Variants in ASIC2 observed in about 807,000 individuals in gnomAD.
ASIC2 encodes the protein acid-sensing ion channel 2.
Under a neutral mutation model 57.3 loss-of-function variants are expected in ASIC2, and 25 were observed. That is an observed-to-expected ratio of 0.44 (90% CI 0.32 to 0.61). ASIC2 has a LOEUF of 0.61. ASIC2 is among the 20% of genes least tolerant of loss of function. The pLI is 0.06. For synonymous variants in ASIC2, 319 were observed against 307.5 expected, an observed-to-expected ratio of 1.04 and a Z score of -0.39; for missense variants, 641 against 738.1, an observed-to-expected ratio of 0.87 and a Z score of 1.52.
intron 1 of ASIC2, among the ~76,000 whole-genome samples, chr17:33,738,389 C>T (rs73986160): frequency 6.6e-5 from 10 of 152,324 alleles, no homozygotes; most frequent in African/African-American, 2.2e-4. Flanking sequence ...TTCCAAAAGT[C>T]AGCACCTGCA....
At chr17:34,096,596 T>C (rs538080223) in intron 1 of ASIC2, among the ~76,000 whole-genome samples, 1 of 152,166 alleles carries the variant, frequency 6.6e-6, no homozygotes, top group African/African-American at 2.4e-5. Flanking sequence ...GCATGGTGGC[T>C]GTAATGCCAG....
chr17:34,046,536 G>A (rs1472646281), intron 1 of ASIC2, among the ~76,000 whole-genome samples: 1 of 152,190 alleles, frequency 6.6e-6, no homozygotes, highest in Admixed American at 6.5e-5. Context: ...GCCAAGGACT[G>A]GAAGCCAGCT....
At chr17:34,029,577 T>C (rs4448995) in intron 1 of ASIC2, among the ~76,000 whole-genome samples, 22,666 of 152,052 alleles carry the variant, frequency 0.15, 1,808 homozygotes, top group East Asian at 0.29. Context: ...GGAGATAGGA[T>C]CTTTGGAAGA....
At chr17:33,512,819 C>A (rs988873988) in intron 1 of ASIC2, among the ~76,000 whole-genome samples, 1 of 152,216 alleles carries the variant, frequency 6.6e-6, no homozygotes, top group Non-Finnish European at 1.5e-5. Flanking sequence ...AATATTTACC[C>A]ATGGGAGGGT....
intron 1 of ASIC2, among the ~76,000 whole-genome samples, chr17:33,951,306 C>G (rs1381827678): frequency 6.6e-6 from 1 of 152,018 alleles, no homozygotes; most frequent in Non-Finnish European, 1.5e-5. Flanking sequence ...AAATGAGGCT[C>G]TGTGAGGATA....
intron 1 of ASIC2, among the ~76,000 whole-genome samples, chr17:33,263,409 CT>C (rs1909353439): frequency 6.6e-6 from 1 of 152,186 alleles, no homozygotes; most frequent in South Asian, 2.1e-4. Flanking sequence ...GCTTTTCTCC[CT>C]AGAAAATGTT....
Position 34,077,513 on chromosome 17 carries a change from C to T in ASIC2, c.555+78465G>A, listed in dbSNP as rs140553358. 1.9e-3 allele frequency among the ~76,000 whole-genome samples: 287 copies of T among 152,336 alleles called. 2 individuals carry two copies. Among genetic ancestry groups the T allele is most frequent in the African/African-American group, 6.5e-3 (269 of 41,568 alleles). ...AAAGTCTTCAGAACCTGCACTCCTC[C>T]GGTGCTGCTCTTCCTGGAAACGGTT... On this transcript the variant is annotated intron_variant, in intron 1 of 9. Coordinates refer to the ASIC2 transcript ENST00000359872.
intron 1 of ASIC2, among the ~76,000 whole-genome samples, chr17:33,675,808 G>A (rs923605779): frequency 6.6e-6 from 1 of 152,214 alleles, no homozygotes; most frequent in Non-Finnish European, 1.5e-5. Context: ...CTGGGCTCAA[G>A]TGATCCACCC....
chr17:33,671,696 A>G (rs1056510687), intron 1 of ASIC2, among the ~76,000 whole-genome samples: 4 of 152,208 alleles, frequency 2.6e-5, no homozygotes, highest in African/African-American at 9.6e-5. Context: ...GTACATCTTT[A>G]TGAGTCAAAT....
intron 1 of ASIC2, among the ~76,000 whole-genome samples, chr17:34,106,287 T>C (rs960253087): frequency 3.9e-5 from 6 of 152,192 alleles, no homozygotes; most frequent in African/African-American, 9.6e-5. Flanking sequence ...TTTGAAAATA[T>C]AGTTATTGAT....
At chr17:34,083,765 A>C (rs1421166472) in intron 1 of ASIC2, among the ~76,000 whole-genome samples, 1 of 152,192 alleles carries the variant, frequency 6.6e-6, no homozygotes, top group Non-Finnish European at 1.5e-5. Flanking sequence ...CATTTCTCTG[A>C]TGGCCAGTGA....
intron 1 of ASIC2, among the ~76,000 whole-genome samples, chr17:33,359,838 A>C (rs547582593): frequency 1.2e-4 from 19 of 152,306 alleles, no homozygotes; most frequent in African/African-American, 4.6e-4. Flanking sequence ...AAGGAAGTAC[A>C]TGCTGGGATG....
At chr17:33,091,365 C>T (rs1475206829) in intron 2 of ASIC2, among the ~76,000 whole-genome samples, 1 of 152,138 alleles carries the variant, frequency 6.6e-6, no homozygotes. Flanking sequence ...GATGCCCCTG[C>T]TGGGAGGAAC....
chr17:33,836,332 T>C (rs897493636), intron 1 of ASIC2, among the ~76,000 whole-genome samples: 3 of 151,544 alleles, frequency 2.0e-5, no homozygotes, highest in African/African-American at 7.3e-5. Flanking sequence ...AGGCTGGTCT[T>C]GAACTCCTGG....
intron 1 of ASIC2, among the ~76,000 whole-genome samples, chr17:33,224,565 T>C (rs1907806500): frequency 6.6e-6 from 1 of 152,170 alleles, no homozygotes; most frequent in South Asian, 2.1e-4. Context: ...ATCGAATGAA[T>C]GAATAAATGA....
chr17:34,082,980 C>T (rs1909950797), intron 1 of ASIC2, among the ~76,000 whole-genome samples: 2 of 151,964 alleles, frequency 1.3e-5, no homozygotes, highest in Non-Finnish European at 2.9e-5. Context: ...ATACTCACAG[C>T]ATGCATTTAT....
chr17:33,844,673 A>T (rs1010301623), intron 1 of ASIC2, among the ~76,000 whole-genome samples: 2 of 152,194 alleles, frequency 1.3e-5, no homozygotes, highest in Admixed American at 1.3e-4. Context: ...CATTTCTGTA[A>T]GCCAGCAAAG....
chr17:33,268,953 C>T (rs1188125718), intron 1 of ASIC2, among the ~76,000 whole-genome samples: 1 of 152,188 alleles, frequency 6.6e-6, no homozygotes, highest in Non-Finnish European at 1.5e-5. Context: ...CAAGTCAACA[C>T]CCCTCCTTGG....
chr17:33,526,640 G>A (rs2141958116), intron 1 of ASIC2, among the ~76,000 whole-genome samples: 1 of 149,090 alleles, frequency 6.7e-6, no homozygotes, highest in Admixed American at 6.6e-5. Flanking sequence ...GGTTGCCTTT[G>A]CTGCCCTCAT....
Sources: allele counts gnomAD v4.1 joint callset (sites outside exome capture counted in the v4.1 genomes callset), GRCh38; gene constraint gnomAD v4.1.1; transcripts MANE v1.5; gene names NCBI Gene and HGNC (gene_info 2026-07-23, HGNC 2026-07-21).